GPM6A: variants seen among roughly 807,000 people sequenced by gnomAD.
GPM6A encodes the protein neuronal membrane glycoprotein M6-a.
In GPM6A, 7 loss-of-function variants were observed where a neutral mutation model predicts 32.1. The ratio of observed to expected loss-of-function variants is 0.22; its 90% CI spans 0.12 to 0.41. The LOEUF (loss-of-function observed/expected upper bound fraction) is 0.41. Among genes scored for constraint, GPM6A ranks in the 10% least tolerant of loss-of-function variants. The pLI is 1.00. For missense variants in GPM6A, 235 were observed against 347.2 expected, an observed-to-expected ratio of 0.68 and a Z score of 2.57; for synonymous variants, 130 against 123.4, an observed-to-expected ratio of 1.05 and a Z score of -0.35.
intron 1 of GPM6A, chr4:176,002,299 G>A: frequency 6.2e-7 from 1 of 1,600,382 alleles, no homozygotes; most frequent in Non-Finnish European, 8.5e-7. Flanking sequence ...GCGCCCGCCC[G>A]CGCACTCACC....
chr4:175,999,612 C>T (rs1308720928), intron 1 of GPM6A, among the ~76,000 whole-genome samples: 4 of 152,028 alleles, frequency 2.6e-5, no homozygotes, highest in Admixed American at 6.5e-5. Context: ...CAATTACTCT[C>T]ATTCTTCCAC....
chr4:175,822,860 A>T (rs1735321279), intron 1 of GPM6A, among the ~76,000 whole-genome samples: 1 of 151,960 alleles, frequency 6.6e-6, no homozygotes, highest in African/African-American at 2.4e-5. Flanking sequence ...CCGGTGTGTG[A>T]TGTTCCCCTC....
At chr4:175,890,955 G>A (rs1376382640) in intron 1 of GPM6A, among the ~76,000 whole-genome samples, 1 of 152,028 alleles carries the variant, frequency 6.6e-6, no homozygotes, top group Non-Finnish European at 1.5e-5. Flanking sequence ...TAGCCCAAAT[G>A]ATATAGAGTA....
chr4:175,719,637 T>G (rs1018864892), intron 1 of GPM6A, among the ~76,000 whole-genome samples: 5 of 152,086 alleles, frequency 3.3e-5, no homozygotes, highest in African/African-American at 7.2e-5. Flanking sequence ...TGCCACCATT[T>G]GTTAAAAGGA....
chr4:175,759,498 A>G (rs1732658864), intron 1 of GPM6A, among the ~76,000 whole-genome samples: 1 of 152,170 alleles, frequency 6.6e-6, no homozygotes, highest in African/African-American at 2.4e-5. Flanking sequence ...CCTTTTCCTT[A>G]AAAAAGACTT....
At chr4:175,813,690 G>A (rs1735014634), upstream of GPM6A, among the ~76,000 whole-genome samples, 1 of 152,168 alleles carries the variant, frequency 6.6e-6, no homozygotes. Flanking sequence ...ATTATAGCTT[G>A]TATTTCACAT....
At chr4:175,916,832 C>T (rs1056270259) in intron 1 of GPM6A, among the ~76,000 whole-genome samples, 1 of 152,188 alleles carries the variant, frequency 6.6e-6, no homozygotes, top group African/African-American at 2.4e-5. Context: ...CCAAGCCCCT[C>T]CTTCCACATT....
chr4:175,885,768 G>A (rs939507493), intron 1 of GPM6A, among the ~76,000 whole-genome samples: 1 of 152,132 alleles, frequency 6.6e-6, no homozygotes, highest in Non-Finnish European at 1.5e-5. Context: ...AGTCTTAATC[G>A]GGGTGGTGGT....
intron 1 of GPM6A, among the ~76,000 whole-genome samples, chr4:175,757,031 C>T (rs576999388): frequency 6.6e-6 from 1 of 152,210 alleles, no homozygotes; most frequent in South Asian, 2.1e-4. Context: ...TCCACGATGA[C>T]TCCCAGGGAT....
intron 1 of GPM6A, among the ~76,000 whole-genome samples, chr4:175,804,345 T>C (rs1734592981): frequency 6.6e-6 from 1 of 152,166 alleles, no homozygotes; most frequent in Admixed American, 6.5e-5. Context: ...TTTGGCTCAT[T>C]CTCCCTTCTG....
chr4:175,689,932 C>T (rs1744204860), intron 2 of GPM6A, among the ~76,000 whole-genome samples: 1 of 152,184 alleles, frequency 6.6e-6, no homozygotes, highest in Non-Finnish European at 1.5e-5. Flanking sequence ...TTCTACCCTT[C>T]TGGTCTCTTT....
At chr4:175,915,880 AT>A (rs886510672) in intron 1 of GPM6A, among the ~76,000 whole-genome samples, 50 of 152,156 alleles carry the variant, frequency 3.3e-4, no homozygotes, top group African/African-American at 1.2e-3. Context: ...GCATCTCCAA[AT>A]GTGAATGTAG....
intron 1 of GPM6A, among the ~76,000 whole-genome samples, chr4:175,764,031 C>T (rs78729231): frequency 0.015 from 2,277 of 152,260 alleles, 35 homozygotes; most frequent in South Asian, 0.025. Context: ...TACACAGACA[C>T]AAAGTTCACC....
intron 1 of GPM6A, among the ~76,000 whole-genome samples, chr4:175,738,236 C>G (rs556046973): frequency 1.2e-4 from 18 of 152,234 alleles, no homozygotes; most frequent in African/African-American, 4.3e-4. Flanking sequence ...CCGCGTCTGG[C>G]TGGTCCCACT....
At chr4:175,669,904 T>C (rs1182356593) in intron 3 of GPM6A, among the ~76,000 whole-genome samples, 5 of 152,026 alleles carry the variant, frequency 3.3e-5, no homozygotes, top group Admixed American at 1.3e-4. Context: ...AAGGCAGTGA[T>C]GGGTGAAACT....
At chr4:175,933,967 A>G (rs936986735) in intron 1 of GPM6A, among the ~76,000 whole-genome samples, 1 of 152,260 alleles carries the variant, frequency 6.6e-6, no homozygotes, top group Non-Finnish European at 1.5e-5. Flanking sequence ...GAAATGGGCT[A>G]TTAAAACGTA....
At chr4:175,721,060 G>T (rs1226530732) in intron 1 of GPM6A, among the ~76,000 whole-genome samples, 2 of 136,176 alleles carry the variant, frequency 1.5e-5, no homozygotes, top group Admixed American at 7.7e-5. Context: ...ATATGTACTA[G>T]TATATATATA....
chr4:175,652,077 G>C (rs925535411), intron 3 of GPM6A, 90 bp from the exon 4 acceptor site: 106 of 926,134 alleles, frequency 1.1e-4, no homozygotes, highest in Non-Finnish European at 1.7e-4. Flanking sequence ...ATTATAGGAA[G>C]TTTATGGGAT....
intron 1 of GPM6A, among the ~76,000 whole-genome samples, chr4:175,773,424 A>C (rs1246215897): frequency 6.6e-6 from 1 of 152,206 alleles, no homozygotes; most frequent in African/African-American, 2.4e-5. Flanking sequence ...GATTGGTTGA[A>C]ATTGAAAAAG....
Sources: allele counts gnomAD v4.1 joint callset (sites outside exome capture counted in the v4.1 genomes callset), GRCh38; gene constraint gnomAD v4.1.1; transcripts MANE v1.5; gene names NCBI Gene and HGNC (gene_info 2026-07-23, HGNC 2026-07-21).